TNRC6A: variants seen among roughly 807,000 people sequenced by gnomAD.
TNRC6A encodes the protein trinucleotide repeat containing adaptor 6A, also known as trinucleotide repeat-containing gene 6A protein.
TNRC6A carries 44 observed loss-of-function variants against 221.2 expected under a neutral mutation model. That is an observed-to-expected ratio of 0.20 (90% CI 0.16 to 0.26). The LOEUF (loss-of-function observed/expected upper bound fraction) is 0.26. Ranked by LOEUF, TNRC6A falls within the 10% of genes least tolerant of loss-of-function variation. The pLI is 1.00. For synonymous variants in TNRC6A, 847 were observed against 838.5 expected (o/e 1.01, Z -0.18); for missense variants, 2,199 against 2,404.4 (o/e 0.91, Z 1.79).
chr16:24,613,596 C>T (rs1422713325), intron 1 of TNRC6A, among the ~76,000 whole-genome samples: 2 of 151,548 alleles, frequency 1.3e-5, no homozygotes, highest in African/African-American at 2.4e-5. Flanking sequence ...TGTTCGATCT[C>T]GGGTCACTGC....
intron 1 of TNRC6A, among the ~76,000 whole-genome samples, chr16:24,632,073 A>T (rs568401540): frequency 6.6e-6 from 1 of 151,848 alleles, no homozygotes; most frequent in African/African-American, 2.4e-5. Flanking sequence ...CTGGTCTCGA[A>T]CTCCTGGGCT....
chr16:24,805,533 G>A, intron 14 of TNRC6A, 72 bp from the exon 15 acceptor site: 1 of 1,576,996 alleles, frequency 6.3e-7, no homozygotes, highest in Non-Finnish European at 8.6e-7. Flanking sequence ...ATTGACAACT[G>A]AAAACACACA....
At chr16:24,690,585 G>A (rs1012456741) in intron 2 of TNRC6A, among the ~76,000 whole-genome samples, 18 of 152,044 alleles carry the variant, frequency 1.2e-4, no homozygotes, top group African/African-American at 4.3e-4. Flanking sequence ...ATAGATAAGG[G>A]AAACAAAAGT....
chr16:24,616,467 A>G (rs1900355900), intron 1 of TNRC6A, among the ~76,000 whole-genome samples: 2 of 152,322 alleles, frequency 1.3e-5, no homozygotes, highest in South Asian at 4.1e-4. Context: ...ATACAAATTT[A>G]TTAATGTTCA....
At chr16:24,798,198 G>A (rs1023385322) in intron 11 of TNRC6A, 1 of 347,062 alleles carries the variant, frequency 2.9e-6, no homozygotes, top group African/African-American at 2.1e-5. Flanking sequence ...CCAAGAGGGA[G>A]TTACTCAGAT....
At chr16:24,647,337 C>T (rs573115852) in intron 2 of TNRC6A, among the ~76,000 whole-genome samples, 17 of 152,152 alleles carry the variant, frequency 1.1e-4, no homozygotes, top group Admixed American at 4.6e-4. Context: ...TGTGTATACG[C>T]GCATGCATGC....
intron 2 of TNRC6A, among the ~76,000 whole-genome samples, chr16:24,681,044 T>C (rs1332355222): frequency 6.6e-6 from 1 of 151,330 alleles, no homozygotes; most frequent in Non-Finnish European, 1.5e-5. Context: ...GCTTAGACAG[T>C]AAAGCTTTTT....
At chr16:24,720,539 A>G (rs201190033) in intron 2 of TNRC6A, among the ~76,000 whole-genome samples, 1 of 149,916 alleles carries the variant, frequency 6.7e-6, no homozygotes, top group East Asian at 2.0e-4. Context: ...AAATACAAAA[A>G]AATTAGCCAA....
At chr16:24,802,780 C>T (rs1297414621) in intron 11 of TNRC6A, among the ~76,000 whole-genome samples, 2 of 152,162 alleles carry the variant, frequency 1.3e-5, no homozygotes, top group Non-Finnish European at 2.9e-5. Flanking sequence ...AGTATCCCAG[C>T]ATTGAAGAAG....
At chr16:24,813,917 T>A (rs971831755) in intron 18 of TNRC6A, among the ~76,000 whole-genome samples, 6 of 152,246 alleles carry the variant, frequency 3.9e-5, no homozygotes, top group African/African-American at 1.4e-4. Context: ...TAAGAATTAA[T>A]CACTTGAAAT....
chr16:24,791,574 C>T lies in TNRC6A; in HGVS notation c.2932C>T (p.Pro978Ser), dbSNP rs757799159. The T allele has an allele frequency of 6.4e-7, 1 of 1,573,924 alleles. No homozygotes were observed. The highest frequency in any genetic ancestry group is 1.9e-5 in the Admixed American group (1 of 53,358). Reference protein sequence around the residue: ...TGWLGGPIPAPAKEEEPTGWE... With the variant: ...TGWLGGPIPASAKEEEPTGWE... ...CTGGCTGGGGGGACCTATACCAGCCCCAGCAAAAGAAGAAGAACCCACAGG... is the reference window on the plus strand; with the variant it reads ...CTGGCTGGGGGGACCTATACCAGCCTCAGCAAAAGAAGAAGAACCCACAGG... Residue 978 changes from proline (P) to serine (S), a missense_variant, in exon 6 of 25, where the codon CCA becomes TCA. Physicochemically the swap from Pro to Ser is moderately conservative, Grantham distance 74. Transcript: ENST00000395799.
chr16:24,806,494 C>A, intron 16 of TNRC6A, 80 bp from the exon 17 acceptor site: 2 of 1,547,974 alleles, frequency 1.3e-6, no homozygotes, highest in Non-Finnish European at 1.8e-6. Flanking sequence ...AAAGTGAATT[C>A]AAAAATGGAG....
At chr16:24,698,823 G>T (rs1009627024) in intron 2 of TNRC6A, among the ~76,000 whole-genome samples, 1 of 152,120 alleles carries the variant, frequency 6.6e-6, no homozygotes, top group Non-Finnish European at 1.5e-5. Flanking sequence ...CGATTCTCCT[G>T]CCTCAGCCTC....
chr16:24,777,054 ACAGCAG>A lies in TNRC6A; in HGVS notation c.294_299del (p.Gln102_Gln103del). The A allele has an allele frequency of 6.2e-7, 1 of 1,612,950 alleles. No homozygotes were observed. Among genetic ancestry groups the A allele is most frequent in the Non-Finnish European group, 8.5e-7 (1 of 1,179,340 alleles). The stretch of plus-strand genomic sequence containing the variant: ...GAGCTACAGCCAACAATCAGCAGCC[ACAGCAG>A]CAGCAGCAACAGCAGCAGCCGCAGC... On this transcript the variant is annotated inframe_deletion, in exon 5 of 25. Coordinates refer to ENST00000395799, the MANE Select transcript of TNRC6A (RefSeq NM_014494.4).
At chr16:24,778,022 T>G (rs1290319044) in intron 5 of TNRC6A, among the ~76,000 whole-genome samples, 1 of 152,190 alleles carries the variant, frequency 6.6e-6, no homozygotes, top group African/African-American at 2.4e-5. Context: ...TCCAACTATT[T>G]GAAAGCTTTA....
intron 4 of TNRC6A, among the ~76,000 whole-genome samples, chr16:24,771,516 C>T (rs904102933): frequency 1.1e-5 from 1 of 88,048 alleles, no homozygotes; most frequent in Non-Finnish European, 2.2e-5. Context: ...GAGCCTGGTG[C>T]ATGTTATGTT....
intron 2 of TNRC6A, among the ~76,000 whole-genome samples, chr16:24,740,163 T>A (rs540657502): frequency 2.0e-5 from 3 of 152,376 alleles, no homozygotes; most frequent in Admixed American, 1.3e-4. Flanking sequence ...ACTTCCACAC[T>A]GTCTTGATTA....
intron 2 of TNRC6A, among the ~76,000 whole-genome samples, chr16:24,742,237 C>T (rs2056907106): frequency 1.3e-5 from 2 of 152,150 alleles, no homozygotes; most frequent in Non-Finnish European, 2.9e-5. Flanking sequence ...TGAGACGTCT[C>T]ATAAATTAGA....
rs866686236 is a variant in TNRC6A at position 24,792,946 on chromosome 16, G to A, written c.3176-527G>A. 1.9e-4 allele frequency among the ~76,000 whole-genome samples: 29 copies of A among 152,006 alleles called. 1 individual carries two copies. The South Asian group carries it at 4.8e-3, about 25-fold the overall frequency. On this transcript the variant is annotated intron_variant, in intron 6 of 24. Coordinates refer to ENST00000395799, the MANE Select transcript of TNRC6A (RefSeq NM_014494.4). ...TGGGACTACAGGTGTGTGCCACCAC[G>A]CCCAGCTAATCTTTGTATTTTTAGT...
Sources: allele counts gnomAD v4.1 joint callset (sites outside exome capture counted in the v4.1 genomes callset), GRCh38; gene constraint gnomAD v4.1.1; transcripts MANE v1.5; gene names NCBI Gene and HGNC (gene_info 2026-07-23, HGNC 2026-07-21).